ERBB2: variants seen among roughly 807,000 people sequenced by gnomAD.
The protein encoded by ERBB2 is receptor tyrosine-protein kinase erbB-2.
ERBB2 carries 61 observed loss-of-function variants against 149.0 expected under a neutral mutation model. The observed-to-expected ratio is 0.41, with a 90% CI of 0.33 to 0.51. ERBB2 has a LOEUF of 0.51. Ranked by LOEUF, ERBB2 falls within the 20% of genes least tolerant of loss-of-function variation. ERBB2 has a pLI of 0.25. For missense variants in ERBB2, 1,205 were observed against 1,655.1 expected, an observed-to-expected ratio of 0.73 and a Z score of 4.72; for synonymous variants, 633 against 678.8, an observed-to-expected ratio of 0.93 and a Z score of 1.05.
rs1307071268 is a variant in ERBB2 at position 39,724,905 on chromosome 17, T to C, written c.2487T>C (p.Ile829=). The change falls in exon 20 of 27, where the codon ATT becomes ATC. Residue 829 remains isoleucine, a synonymous_variant. Transcript: ENST00000269571. ...SQDLLNWCMQ[I]AKGMSYLEDV... ...ACCTGCTGAACTGGTGTATGCAGAT[T>C]GCCAAGGTATGCACCTGGGCTCTTT... 1 of 1,613,964 alleles carries C rather than the reference T, an allele frequency of 6.2e-7. No homozygotes were observed. The highest frequency in any genetic ancestry group is 1.7e-5 in the Admixed American group (1 of 60,016).
chr17:39,707,202 C>T, intron 2 of ERBB2, 61 bp downstream of exon 2: 4 of 1,406,626 alleles, frequency 2.8e-6, no homozygotes, highest in Non-Finnish European at 3.8e-6. Flanking sequence ...CCTCTGTTTA[C>T]AGGTGGGTGG....
In ERBB2 at chr17:39,727,112, C is replaced by T. The variant is rs1024672935; in HGVS notation, c.3159+109C>T. ...CTCAACTGTCACCTCTCAAGGAAAC[C>T]CCATTATCCCTACAAAAAATTCTTA... On this transcript the variant is annotated intron_variant, in intron 25 of 26. Transcript: ENST00000269571. This position sits in a 1 kb window ranked among gnomAD's most constrained non-coding sequence, Gnocchi z 4.3. 4.1e-5 allele frequency: 51 copies of T among 1,249,344 alleles called. No individual in the cohort carries two copies. The highest frequency in any genetic ancestry group is 5.6e-5 in the Non-Finnish European group (50 of 899,670). The allele number at this position is 1,249,344 out of a possible 1,614,324, so 77.4% of individuals were successfully genotyped here.
rs769877381 is a variant in ERBB2, at chr17:39,717,504, A to C, written c.1898+24A>C. 4.4e-6 allele frequency: 7 copies of C among 1,581,172 alleles called. No individual in the cohort carries two copies. In the East Asian group the frequency reaches 1.4e-4, roughly 31 times the overall value. On this transcript the variant is annotated intron_variant, in intron 15 of 26. Coordinates refer to ENST00000269571, the MANE Select transcript of ERBB2 (RefSeq NM_004448.4). Reference sequence around the variant, plus strand: ...TCGTGAGTCCAACGGTCTTTTCTGCAGAAAGGAGGACTTTCCTTTCAGGGG... The same window carrying C: ...TCGTGAGTCCAACGGTCTTTTCTGCCGAAAGGAGGACTTTCCTTTCAGGGG...
chr17:39,695,758 C>CACACACACACACACACACAT (rs2057850041), upstream of ERBB2, among the ~76,000 whole-genome samples: 1 of 148,802 alleles, frequency 6.7e-6, no homozygotes, highest in African/African-American at 2.5e-5. Context: ...CACACACACA[C>CACACACACACACACACACAT]GTCTCCTGTG....
chr17:39,717,824 T>C (rs1379438823), intron 15 of ERBB2, among the ~76,000 whole-genome samples: 1 of 145,762 alleles, frequency 6.9e-6, no homozygotes, highest in African/African-American at 2.7e-5. Flanking sequence ...CACACACATA[T>C]GTATTTTTAG....
At chr17:39,711,184 G>A (rs1447459265) in intron 7 of ERBB2, among the ~76,000 whole-genome samples, 3 of 150,216 alleles carry the variant, frequency 2.0e-5, no homozygotes, top group Non-Finnish European at 2.9e-5. Context: ...ACAGGCGTGA[G>A]CCACTGCACC....
chr17:39,716,484 C>T (rs2059135981), intron 13 of ERBB2, 31 bp from the exon 14 acceptor site: 1 of 1,613,644 alleles, frequency 6.2e-7, no homozygotes, highest in Non-Finnish European at 8.5e-7. Flanking sequence ...GGGCTCCTCT[C>T]AGACCCCCTC....
chr17:39,697,095 T>G (rs900035727), upstream of ERBB2, among the ~76,000 whole-genome samples: 2 of 152,138 alleles, frequency 1.3e-5, no homozygotes, highest in African/African-American at 4.8e-5. Context: ...CTTTTCTCTC[T>G]AGCCCTAAGA....
chr17:39,721,297 G>C (rs2145773308), intron 16 of ERBB2, among the ~76,000 whole-genome samples: 1 of 120,628 alleles, frequency 8.3e-6, no homozygotes, highest in Non-Finnish European at 1.6e-5. Flanking sequence ...ATGGAGTCTT[G>C]CTCTGTTGCC....
At chr17:39,717,713 G>A (rs1233351590) in intron 15 of ERBB2, 3 of 430,128 alleles carry the variant, frequency 7.0e-6, no homozygotes, top group East Asian at 7.3e-5. Flanking sequence ...ATTTTTGTCT[G>A]TGCACATTCT....
At position 39,709,892 on chromosome 17, in the gene ERBB2, G is replaced by A. The variant is rs757042987; in HGVS notation, c.643+11G>A. 2.5e-6 allele frequency: 4 copies of A among 1,613,086 alleles called. No individual in the cohort carries two copies. The highest frequency in any genetic ancestry group is 3.4e-6 in the Non-Finnish European group (4 of 1,179,772). On this transcript the variant is annotated intron_variant, in intron 5 of 26. Coordinates refer to ENST00000269571, the MANE Select transcript of ERBB2 (RefSeq NM_004448.4). ...AGGATTGTCAGAGCCGTGAGTCTCAGGGAGGCCTGGAGTCAGGGAAGGGGA... is the reference window on the plus strand; with the variant it reads ...AGGATTGTCAGAGCCGTGAGTCTCAAGGAGGCCTGGAGTCAGGGAAGGGGA...
rs2145493137 is a variant in ERBB2, at chr17:39,709,887, T to C, written c.643+6T>C. ...TTCTGAGGATTGTCAGAGCCGTGAGTCTCAGGGAGGCCTGGAGTCAGGGAA... is the reference window on the plus strand; with the variant it reads ...TTCTGAGGATTGTCAGAGCCGTGAGCCTCAGGGAGGCCTGGAGTCAGGGAA... On this transcript the variant is annotated splice_donor_region_variant and intron_variant, in intron 5 of 26. Coordinates refer to ENST00000269571, the MANE Select transcript of ERBB2 (RefSeq NM_004448.4). 1 of 1,612,748 alleles carries C rather than the reference T, an allele frequency of 6.2e-7. No homozygotes were observed. The highest frequency in any genetic ancestry group is 1.1e-5 in the South Asian group (1 of 91,048).
rs202047609 is a variant in ERBB2, at chr17:39,715,703, A to G, written c.1314-37A>G. The G allele has an allele frequency of 5.7e-4, 911 of 1,601,206 alleles. 2 individuals are homozygous for G. The African/African-American group carries it at 0.01, about 18-fold the overall frequency. On this transcript the variant is annotated intron_variant, in intron 11 of 26. Coordinates refer to ENST00000269571, the MANE Select transcript of ERBB2 (RefSeq NM_004448.4). Reference sequence around the variant, plus strand: ...TGAGAATAGCCTTTGCTGACCGGGAAGGGGTCCGTGGTAAGGTGCCCACCT... The same window carrying G: ...TGAGAATAGCCTTTGCTGACCGGGAGGGGGTCCGTGGTAAGGTGCCCACCT...
In ERBB2 at chr17:39,725,120, TC is replaced by T; in HGVS notation, c.2568del (p.Asn857ThrfsTer54). ...CCGCTCGGAACGTGCTGGTCAAGAG[TC>T]CCAACCATGTCAAAATTACAGACTT... ...LAARNVLVKSPNHVKITDFGL... is the reference protein window; with the variant it reads ...LAARNVLVKSXNHVKITDFGL... On this transcript the variant is annotated frameshift_variant, in exon 21 of 27. Transcript: ENST00000269571. LOFTEE classifies it high-confidence loss of function. The surrounding 1 kb of genome is among the most constrained non-coding windows in gnomAD (Gnocchi z 4.6). 1 of 1,613,664 alleles carries T rather than the reference TC, an allele frequency of 6.2e-7. No homozygotes were observed. Among genetic ancestry groups the T allele is most frequent in the Non-Finnish European group, 8.5e-7 (1 of 1,179,936 alleles).
At chr17:39,716,676 T>A in intron 14 of ERBB2, 71 bp downstream of exon 14, 2 of 1,350,116 alleles carry the variant, frequency 1.5e-6, no homozygotes, top group African/African-American at 2.9e-5. Flanking sequence ...CTTGGCAGGA[T>A]GGCGAGATGC....
At position 39,727,042 on chromosome 17, in the gene ERBB2, C is replaced by T. The variant is rs373576867; in HGVS notation, c.3159+39C>T. 2.5e-5 allele frequency: 38 copies of T among 1,512,662 alleles called. No individual in the cohort carries two copies. The highest frequency in any genetic ancestry group is 3.1e-5 in the Non-Finnish European group (35 of 1,124,464). 93.7% of individuals were successfully genotyped at this position (1,512,662 alleles called of 1,614,324 possible). On this transcript the variant is annotated intron_variant, in intron 25 of 26. Coordinates refer to ENST00000269571, the MANE Select transcript of ERBB2 (RefSeq NM_004448.4). The surrounding 1 kb of genome is among the most constrained non-coding windows in gnomAD (Gnocchi z 4.3). ...GTCACACTGTGTGGCTGTCTGCTTACCTCCCCCAACCCCGGTGGACTAGGG... is the reference window on the plus strand; with the variant it reads ...GTCACACTGTGTGGCTGTCTGCTTATCTCCCCCAACCCCGGTGGACTAGGG...
rs199536246 is a variant in ERBB2, at chr17:39,726,358, G to GA, written c.2873-194dup. On this transcript the variant is annotated intron_variant, in intron 23 of 26. Coordinates refer to ENST00000269571, the MANE Select transcript of ERBB2 (RefSeq NM_004448.4). The surrounding 1 kb of genome is among the most constrained non-coding windows in gnomAD (Gnocchi z 5.1). ...AAAAAAATAAAAAAGCAAACAAAAA[G>GA]AAAAAAAAAATTAAAAGGGAAACTA... 2,796 of 527,992 alleles carry GA rather than the reference G, an allele frequency of 5.3e-3. No individual in the cohort carries two copies. Among genetic ancestry groups the GA allele is most frequent in the Middle Eastern group, 7.5e-3 (15 of 1,994 alleles). 32.7% of individuals were successfully genotyped at this position (527,992 alleles called of 1,614,324 possible). A position where few individuals can be genotyped will look rare whatever the true frequency, so the allele number is the denominator to read the frequency against.
upstream of ERBB2, among the ~76,000 whole-genome samples, chr17:39,698,443 C>A (rs1446937921): frequency 6.6e-6 from 1 of 151,642 alleles, no homozygotes; most frequent in South Asian, 2.1e-4. Context: ...GTATTTTTAG[C>A]AGAGACAGGG....
At position 39,712,305 on chromosome 17, in the gene ERBB2, C is replaced by T. The variant is rs4252626; in HGVS notation, c.1022-17C>T. On this transcript the variant is annotated splice_polypyrimidine_tract_variant and intron_variant, in intron 8 of 26. Transcript: ENST00000269571. ...AGGCTGAGACGGCCCCTTCCCCACC[C>T]ACCCCCACCTCCTCAGTGTGCTATG... 1.9e-3 allele frequency: 3,091 copies of T among 1,612,776 alleles called. 28 individuals carry two copies. In the African/African-American group the frequency reaches 0.027, roughly 14 times the overall value.
Sources: allele counts gnomAD v4.1 joint callset (sites outside exome capture counted in the v4.1 genomes callset), GRCh38; gene constraint gnomAD v4.1.1; non-coding constraint Gnocchi (gnomAD v3.1); transcripts MANE v1.5; gene names NCBI Gene and HGNC (gene_info 2026-07-23, HGNC 2026-07-21).